Variants in NADSYN1 observed in about 807,000 individuals in gnomAD.
NADSYN1 encodes glutamine-dependent NAD(+) synthetase.
NADSYN1 carries 80 observed loss-of-function variants against 99.3 expected under a neutral mutation model. That is an observed-to-expected ratio of 0.81 (90% confidence interval 0.67 to 0.97). The LOEUF is 0.97. Ranked by LOEUF, NADSYN1 falls within the 50% of genes least tolerant of loss-of-function variation. NADSYN1 has a pLI of 0.00. For synonymous variants in NADSYN1, 385 were observed against 372.1 expected (o/e 1.03, Z -0.40); for missense variants, 859 against 948.5 (o/e 0.91, Z 1.24).
intron 18 of NADSYN1, among the ~76,000 whole-genome samples, chr11:71,494,597 C>G (rs576131244): frequency 6.6e-6 from 1 of 152,258 alleles, no homozygotes; most frequent in Admixed American, 6.5e-5. Context: ...CCAAGGCTGC[C>G]TGGAGTGCAG....
intron 15 of NADSYN1, chr11:71,484,850 G>A (rs902842416): frequency 3.9e-5 from 8 of 204,984 alleles, no homozygotes; most frequent in African/African-American, 1.8e-4. Context: ...CACAAGTGTG[G>A]GTGTGCTTGT....
Position 71,468,241 on chromosome 11 carries a change from G to C in NADSYN1, c.407+4099G>C, listed in dbSNP as rs79631713. On this transcript the variant is annotated intron_variant, in intron 5 of 20. Coordinates refer to ENST00000319023, the MANE Select transcript of NADSYN1 (RefSeq NM_018161.5). ...GTTAGGCAGAAGGAAAATCATCCTA[G>C]CAGAAGCCTCGAAATTTCAAAAGGA... 3.7e-4 allele frequency among the ~76,000 whole-genome samples: 56 copies of C among 152,314 alleles called. No individual in the cohort carries two copies. The East Asian group carries it at 0.01, about 28-fold the overall frequency.
In NADSYN1 at chr11:71,465,016, A is replaced by G. The variant is rs140138945; in HGVS notation, c.407+874A>G. Among the ~76,000 whole-genome samples, 951 of 152,270 alleles carry G rather than the reference A, an allele frequency of 6.2e-3. 6 individuals are homozygous for G. The highest frequency in any genetic ancestry group is 0.021 in the African/African-American group (884 of 41,530). On this transcript the variant is annotated intron_variant, in intron 5 of 20. Transcript: ENST00000319023. ...CTGGGGCCAATGGTGCAGGCAGTAA[A>G]GGAATTTACCAAGACAGTTGTAGGT...
intron 1 of NADSYN1, among the ~76,000 whole-genome samples, chr11:71,454,286 A>T (rs1374254305): frequency 1.3e-5 from 2 of 152,222 alleles, no homozygotes; most frequent in African/African-American, 4.8e-5. Context: ...ATCTTGGCTC[A>T]CTGCAGTCTC....
At chr11:71,469,948 G>A (rs1381413761) in intron 5 of NADSYN1, among the ~76,000 whole-genome samples, 3 of 95,792 alleles carry the variant, frequency 3.1e-5, no homozygotes, top group East Asian at 3.7e-4. Context: ...AAAAAAAGAC[G>A]TGTGTTAGTC....
intron 19 of NADSYN1, 83 bp from the exon 20 acceptor site, chr11:71,498,269 C>T (rs1949833830): frequency 6.7e-7 from 1 of 1,497,812 alleles, no homozygotes; most frequent in South Asian, 1.2e-5. Context: ...TAGTCATTTG[C>T]TTGTATGATC....
chr11:71,478,367 G>T lies in NADSYN1; in HGVS notation c.799-28G>T, dbSNP rs753981683. 2.6e-6 allele frequency: 4 copies of T among 1,557,338 alleles called. No individual in the cohort carries two copies. The African/African-American group carries it at 5.4e-5, about 21-fold the overall frequency. On this transcript the variant is annotated intron_variant, in intron 9 of 20. Coordinates refer to ENST00000319023, the MANE Select transcript of NADSYN1 (RefSeq NM_018161.5). The stretch of plus-strand genomic sequence containing the variant: ...GGGAGTTGAACAAACGGGAAATCAC[G>T]GGTTCTCTTTGAAATTTCCTTCTCC...
At chr11:71,473,497 G>T in intron 7 of NADSYN1, 72 bp from the exon 8 acceptor site, 1 of 1,534,826 alleles carries the variant, frequency 6.5e-7, no homozygotes, top group Non-Finnish European at 9.0e-7. Flanking sequence ...GTGGGAGAGT[G>T]CAAGGGGCTG....
At chr11:71,495,684 A>G (rs1231290169) in intron 18 of NADSYN1, among the ~76,000 whole-genome samples, 2 of 152,394 alleles carry the variant, frequency 1.3e-5, no homozygotes. Context: ...TGCTCACTTC[A>G]TGGGAAAGAA....
chr11:71,498,957 A>C (rs1591138651), intron 20 of NADSYN1: 1 of 156,966 alleles, frequency 6.4e-6, no homozygotes, highest in Non-Finnish European at 1.4e-5. Flanking sequence ...CTCCCCACCC[A>C]CCAGCCCCTG....
At chr11:71,499,321 T>C (rs1006911644) in intron 20 of NADSYN1, 6 of 152,236 alleles carry the variant, frequency 3.9e-5, no homozygotes, top group Admixed American at 6.5e-5. Context: ...GGTGGCTGGA[T>C]CGCAGGGTAG....
chr11:71,493,294 G>A (rs1331214605), intron 18 of NADSYN1, among the ~76,000 whole-genome samples: 1 of 152,180 alleles, frequency 6.6e-6, no homozygotes, highest in Non-Finnish European at 1.5e-5. Context: ...TTGATACTCT[G>A]GTGAGTGGAA....
chr11:71,491,258 C>T lies in NADSYN1; in HGVS notation c.1694+282C>T, dbSNP rs114390459. 8.9e-3 allele frequency among the ~76,000 whole-genome samples: 1,361 copies of T among 152,362 alleles called. 21 individuals are homozygous for T. The highest frequency in any genetic ancestry group is 0.031 in the African/African-American group (1,290 of 41,584). On this transcript the variant is annotated intron_variant, in intron 17 of 20. Transcript: ENST00000319023. ...GTCCCCATGCCGATGCTTGGCAGGC[C>T]GAGGCTCGCCACATCTGAGCAGAGC...
At chr11:71,485,410 C>A in intron 15 of NADSYN1, 132 bp from the exon 16 acceptor site, 1 of 669,406 alleles carries the variant, frequency 1.5e-6, no homozygotes, top group Non-Finnish European at 2.5e-6. Flanking sequence ...GACTCTGAGA[C>A]TCTGATGTTC....
At chr11:71,484,997 G>T (rs886309982) in intron 15 of NADSYN1, 3 of 174,844 alleles carry the variant, frequency 1.7e-5, no homozygotes, top group African/African-American at 7.1e-5. Flanking sequence ...GTGTGCATGA[G>T]TGTGAGAGTG....
intron 16 of NADSYN1, among the ~76,000 whole-genome samples, chr11:71,487,923 C>A (rs1348469521): frequency 6.6e-6 from 1 of 151,990 alleles, no homozygotes; most frequent in Non-Finnish European, 1.5e-5. Flanking sequence ...GACAGAAGGC[C>A]CTGTGGCTGC....
intron 19 of NADSYN1, among the ~76,000 whole-genome samples, chr11:71,497,924 C>T (rs1328894859): frequency 6.6e-6 from 1 of 152,202 alleles, no homozygotes; most frequent in Non-Finnish European, 1.5e-5. Flanking sequence ...CTTGCTGGGG[C>T]TGAAGCCCAC....
intron 5 of NADSYN1, among the ~76,000 whole-genome samples, chr11:71,465,188 G>T (rs1033694075): frequency 2.0e-5 from 3 of 152,154 alleles, no homozygotes; most frequent in Non-Finnish European, 4.4e-5. Context: ...CATTGGGGAT[G>T]AGGTAGAACT....
At chr11:71,481,202 C>T (rs1458872680) in intron 11 of NADSYN1, 154 bp from the exon 12 acceptor site, 1 of 762,044 alleles carries the variant, frequency 1.3e-6, no homozygotes, top group Non-Finnish European at 2.2e-6. Context: ...TCACATGTGT[C>T]CCTTCTCACG....
Sources: allele counts gnomAD v4.1 joint callset (sites outside exome capture counted in the v4.1 genomes callset), GRCh38; gene constraint gnomAD v4.1.1; transcripts MANE v1.5; gene names NCBI Gene and HGNC (gene_info 2026-07-23, HGNC 2026-07-21).